PLOD2: variants seen among roughly 807,000 people sequenced by gnomAD.
PLOD2 encodes the protein procollagen-lysine,2-oxoglutarate 5-dioxygenase 2, also known as lysine hydroxylase 2.
In PLOD2, 65 loss-of-function variants were observed where a neutral mutation model predicts 101.0. The observed-to-expected ratio is 0.64, with a 90% CI of 0.53 to 0.79. PLOD2 has a LOEUF of 0.79. PLOD2 is among the 30% of genes least tolerant of loss of function. The pLI is 0.00. For synonymous variants in PLOD2, 314 were observed against 302.9 expected, an observed-to-expected ratio of 1.04 and a Z score of -0.38; for missense variants, 909 against 914.6, an observed-to-expected ratio of 0.99 and a Z score of 0.08.
At chr3:146,153,126 C>A (rs894327381) in intron 1 of PLOD2, among the ~76,000 whole-genome samples, 2 of 152,154 alleles carry the variant, frequency 1.3e-5, no homozygotes, top group African/African-American at 4.8e-5. Context: ...TGCCTCAGAG[C>A]TGGCTTGGAC....
At chr3:146,158,743 A>C (rs2032421676) in intron 1 of PLOD2, among the ~76,000 whole-genome samples, 2 of 152,084 alleles carry the variant, frequency 1.3e-5, no homozygotes, top group Admixed American at 1.3e-4. Flanking sequence ...ATACTGCTAA[A>C]CATCAATGCA....
intron 17 of PLOD2, among the ~76,000 whole-genome samples, chr3:146,071,653 A>G (rs569995637): frequency 6.6e-6 from 1 of 151,914 alleles, no homozygotes; most frequent in Admixed American, 6.6e-5. Flanking sequence ...CTCCTTTCCT[A>G]CTTCTTAAAT....
chr3:146,073,841 G>A (rs983103217), intron 15 of PLOD2, among the ~76,000 whole-genome samples: 3 of 151,528 alleles, frequency 2.0e-5, no homozygotes, highest in African/African-American at 7.3e-5. Context: ...CTACCAACAA[G>A]TATTTGTAAA....
At chr3:146,089,605 C>A (rs888854019) in intron 8 of PLOD2, among the ~76,000 whole-genome samples, 5 of 151,312 alleles carry the variant, frequency 3.3e-5, no homozygotes, top group Admixed American at 6.6e-5. Flanking sequence ...AACCTTCTTC[C>A]ATTTTTTCAT....
intron 7 of PLOD2, among the ~76,000 whole-genome samples, chr3:146,102,087 T>C (rs1156359396): frequency 1.3e-5 from 2 of 152,178 alleles, no homozygotes; most frequent in East Asian, 1.9e-4. Flanking sequence ...GTTAATCCCT[T>C]TTCTAGGTAC....
chr3:146,119,382 T>G (rs1050933947), intron 3 of PLOD2, among the ~76,000 whole-genome samples: 3 of 152,162 alleles, frequency 2.0e-5, no homozygotes, highest in Non-Finnish European at 4.4e-5. Context: ...TCTCAGGAAT[T>G]TGTAGCAGCA....
chr3:146,130,599 G>T lies in PLOD2; in HGVS notation c.110-6370C>A, dbSNP rs189206627. 2.0e-5 allele frequency among the ~76,000 whole-genome samples: 3 copies of T among 152,224 alleles called. No homozygotes were observed. In the East Asian group the frequency reaches 5.8e-4, roughly 29 times the overall value. ...AGTAATATCATATGTCTTGCATGTA[G>T]GTGTGAATGAAATAATTTAACAAAA... is the stretch of plus-strand genomic sequence containing the variant. On this transcript the variant is annotated intron_variant, in intron 1 of 19. Coordinates refer to ENST00000282903, the MANE Select transcript of PLOD2 (RefSeq NM_182943.3).
intron 15 of PLOD2, among the ~76,000 whole-genome samples, chr3:146,074,536 T>G (rs1936263795): frequency 6.6e-6 from 1 of 151,474 alleles, no homozygotes; most frequent in African/African-American, 2.4e-5. Flanking sequence ...AATTTCATGT[T>G]TATATAGTAT....
In PLOD2 at chr3:146,079,236, A is replaced by G. The variant is rs781514535; in HGVS notation, c.1380T>C (p.Tyr460=). 2.4e-5 allele frequency: 39 copies of G among 1,606,884 alleles called. No individual in the cohort carries two copies. In the South Asian group the frequency reaches 4.3e-4, roughly 18 times the overall value. ...GNRVGVWNVP[Y]MANVYLIKGK... The stretch of plus-strand genomic sequence containing the variant: ...CTTTAATTAAGTACACATTAGCCAT[A>G]TATGGGACATTCCATACTCCTCTGA... The change falls in exon 13 of 20, where the codon TAT becomes TAC. Residue 460 remains tyrosine, a synonymous_variant. Transcript: ENST00000282903.
At chr3:146,084,002 T>C (rs1018073690) in intron 11 of PLOD2, among the ~76,000 whole-genome samples, 2 of 151,970 alleles carry the variant, frequency 1.3e-5, no homozygotes, top group African/African-American at 4.8e-5. Flanking sequence ...ATATAAATTA[T>C]AGTCATAAAA....
chr3:146,141,100 G>A (rs1224850621), intron 1 of PLOD2, among the ~76,000 whole-genome samples: 1 of 151,906 alleles, frequency 6.6e-6, no homozygotes. Flanking sequence ...TCAGATAATT[G>A]AATACACAGT....
At chr3:146,072,741 G>A (rs975663046) in intron 16 of PLOD2, 76 bp from the exon 17 acceptor site, 1 of 886,282 alleles carries the variant, frequency 1.1e-6, no homozygotes, top group Non-Finnish European at 1.8e-6. Flanking sequence ...ATTTTAATAT[G>A]TGTAAAATAA....
In PLOD2 at chr3:146,139,889, T is replaced by C. The variant is rs563145875; in HGVS notation, c.110-15660A>G. ...AAAAGCTGGTCTTTCCCTGCCTTCC[T>C]CCCTTTCTCTTTCCTCACCTCGTAT... On this transcript the variant is annotated intron_variant, in intron 1 of 19. Transcript: ENST00000282903. 2.6e-5 allele frequency among the ~76,000 whole-genome samples: 4 copies of C among 152,198 alleles called. No homozygotes were observed. In the East Asian group the frequency reaches 7.7e-4, roughly 29 times the overall value.
chr3:146,143,296 T>C (rs2031616772), intron 1 of PLOD2, among the ~76,000 whole-genome samples: 1 of 126,660 alleles, frequency 7.9e-6, no homozygotes, highest in East Asian at 2.7e-4. Context: ...TAAACATGAG[T>C]GAGAATATAA....
At chr3:146,148,796 G>A (rs2031918433) in intron 1 of PLOD2, among the ~76,000 whole-genome samples, 2 of 152,162 alleles carry the variant, frequency 1.3e-5, no homozygotes, top group African/African-American at 2.4e-5. Flanking sequence ...GTAACCAGCT[G>A]ACTTCCTGAA....
At chr3:146,139,333 T>C (rs1253899396) in intron 1 of PLOD2, among the ~76,000 whole-genome samples, 2 of 152,118 alleles carry the variant, frequency 1.3e-5, no homozygotes, top group Admixed American at 6.5e-5. Flanking sequence ...GACTCCAAAT[T>C]ATCTCATAAA....
intron 1 of PLOD2, among the ~76,000 whole-genome samples, chr3:146,160,143 A>C (rs948421334): frequency 6.6e-6 from 1 of 152,246 alleles, no homozygotes; most frequent in Non-Finnish European, 1.5e-5. Flanking sequence ...AGGATTTTTC[A>C]TGTGCCACAA....
intron 1 of PLOD2, among the ~76,000 whole-genome samples, chr3:146,143,951 G>A (rs1481830882): frequency 6.6e-6 from 1 of 151,754 alleles, no homozygotes; most frequent in Admixed American, 6.6e-5. Flanking sequence ...CCTAATGCAG[G>A]CACACTGTTC....
At chr3:146,150,372 C>T (rs938785737) in intron 1 of PLOD2, among the ~76,000 whole-genome samples, 3 of 151,778 alleles carry the variant, frequency 2.0e-5, no homozygotes, top group Admixed American at 6.6e-5. Context: ...CATAAAACTT[C>T]GTTTTAACTT....
Sources: allele counts gnomAD v4.1 joint callset (sites outside exome capture counted in the v4.1 genomes callset), GRCh38; gene constraint gnomAD v4.1.1; transcripts MANE v1.5; gene names NCBI Gene and HGNC (gene_info 2026-07-23, HGNC 2026-07-21).